Variants in PNPT1 observed in about 807,000 individuals in gnomAD.
PNPT1 encodes polyribonucleotide nucleotidyltransferase 1.
Under a neutral mutation model 119.5 loss-of-function variants are expected in PNPT1, and 53 were observed. The observed-to-expected ratio is 0.44, with a 90% CI of 0.36 to 0.56. The LOEUF (loss-of-function observed/expected upper bound fraction) is 0.56. Ranked by LOEUF, PNPT1 falls within the 20% of genes least tolerant of loss-of-function variation. PNPT1 has a pLI of 0.00. For missense variants in PNPT1, 948 were observed against 938.5 expected (o/e 1.01, Z -0.13); for synonymous variants, 357 against 322.1 (o/e 1.11, Z -1.16).
chr2:55,642,470 G>A (rs545827619), intron 25 of PNPT1, among the ~76,000 whole-genome samples: 23 of 151,836 alleles, frequency 1.5e-4, no homozygotes, highest in African/African-American at 3.9e-4. Context: ...TTAGCTAGGC[G>A]TGGTGGCGGG....
chr2:55,636,564 CATT>C (rs1450213311), intron 27 of PNPT1, among the ~76,000 whole-genome samples, 172 bp from the exon 28 acceptor site: 1 of 152,148 alleles, frequency 6.6e-6, no homozygotes, highest in Non-Finnish European at 1.5e-5. Context: ...TATAAGTAGT[CATT>C]ATAAAAGAGA....
chr2:55,662,322 G>A (rs2104093099), intron 13 of PNPT1, among the ~76,000 whole-genome samples: 1 of 152,260 alleles, frequency 6.6e-6, no homozygotes, highest in East Asian at 1.9e-4. Flanking sequence ...GAACTATGTA[G>A]GAGAGTACGC....
chr2:55,684,351 A>G (rs1211908983), intron 4 of PNPT1, among the ~76,000 whole-genome samples: 1 of 152,150 alleles, frequency 6.6e-6, no homozygotes, highest in Non-Finnish European at 1.5e-5. Context: ...TCAGCCAGGC[A>G]TGGTGGTGGG....
At chr2:55,666,926 C>T in intron 13 of PNPT1, 65 bp downstream of exon 13, 2 of 1,039,644 alleles carry the variant, frequency 1.9e-6, no homozygotes, top group Admixed American at 2.8e-5. Flanking sequence ...TACTAATGTA[C>T]TTCTATTAGA....
intron 18 of PNPT1, among the ~76,000 whole-genome samples, chr2:55,650,497 C>T (rs906727476): frequency 6.6e-6 from 1 of 152,156 alleles, no homozygotes; most frequent in Admixed American, 6.5e-5. Context: ...TCGCTACAAC[C>T]TTCACCTCCC....
intron 25 of PNPT1, among the ~76,000 whole-genome samples, chr2:55,641,412 G>GC (rs1224589665): frequency 6.6e-6 from 1 of 151,412 alleles, no homozygotes; most frequent in African/African-American, 2.4e-5. Context: ...GGGATTACAG[G>GC]CATGTGCCAC....
Position 55,640,677 on chromosome 2 carries a change from G to A in PNPT1, c.2098C>T (p.Pro700Ser). 6.3e-7 allele frequency: 1 copy of A among 1,591,294 alleles called. No individual in the cohort carries two copies. Among genetic ancestry groups the A allele is most frequent in the Non-Finnish European group, 8.6e-7 (1 of 1,160,970 alleles). The change falls in exon 26 of 28, where the codon CCA (proline) becomes TCA (serine). Residue 700 changes from proline (P) to serine (S), a missense_variant. Physicochemically the swap from Pro to Ser is moderately conservative, Grantham distance 74 (BLOSUM62 -1). Coordinates refer to ENST00000447944, the MANE Select transcript of PNPT1 (RefSeq NM_033109.5). ...RDTGVMVKLY[P>S]NMTAVLLHNT... Reference sequence around the variant, plus strand: ...TGAAGCAGTACCGCAGTCATATTTGGATATAATTTTACCATTACACCAGTA... The same window carrying A: ...TGAAGCAGTACCGCAGTCATATTTGAATATAATTTTACCATTACACCAGTA...
intron 20 of PNPT1, 42 bp from the exon 21 acceptor site, chr2:55,646,364 T>G: frequency 6.3e-7 from 1 of 1,598,354 alleles, no homozygotes; most frequent in African/African-American, 1.3e-5. Context: ...TATTGACTCA[T>G]GGCATTATTT....
chr2:55,667,719 A>T, intron 12 of PNPT1, 143 bp downstream of exon 12: 1 of 1,106,340 alleles, frequency 9.0e-7, no homozygotes, highest in Non-Finnish European at 1.3e-6. Flanking sequence ...TTTCTTCAAT[A>T]GGTGTCCATT....
Position 55,651,231 on chromosome 2 carries a change from G to C in PNPT1, c.1495+3669C>G, listed in dbSNP as rs1159803885. On this transcript the variant is annotated intron_variant, in intron 18 of 27. Transcript: ENST00000447944. ...TCTGCCCGGCCGCCCCTACTGGGAA[G>C]TGAGGAGCCCCTCTGCCCGGCCACC... Among the ~76,000 whole-genome samples, 28 of 151,640 alleles carry C rather than the reference G, an allele frequency of 1.8e-4. 1 individual carries two copies. Among genetic ancestry groups the C allele is most frequent in the African/African-American group, 6.0e-4 (25 of 41,364 alleles).
At chr2:55,638,437 G>A (rs1223804868) in intron 26 of PNPT1, among the ~76,000 whole-genome samples, 1 of 152,130 alleles carries the variant, frequency 6.6e-6, no homozygotes, top group Non-Finnish European at 1.5e-5. Flanking sequence ...CGAGGTGGAA[G>A]GACTGCTTAA....
intron 1 of PNPT1, among the ~76,000 whole-genome samples, chr2:55,688,953 C>A (rs1420507120): frequency 6.6e-6 from 1 of 151,984 alleles, no homozygotes; most frequent in Non-Finnish European, 1.5e-5. Context: ...TAAATTAAGT[C>A]AAAATGGATC....
At chr2:55,643,014 T>C (rs1695881098) in intron 25 of PNPT1, 144 bp downstream of exon 25, 1 of 778,578 alleles carries the variant, frequency 1.3e-6, no homozygotes, top group Non-Finnish European at 2.1e-6. Context: ...AATAGGAGGC[T>C]GAGGTGGGAG....
In PNPT1 at chr2:55,636,160, G is replaced by A; in HGVS notation, c.*77C>T. The stretch of plus-strand genomic sequence containing the variant: ...TTATATAGAAATCTACACAATGGAA[G>A]ATACTACTAAAATGTTGCTCTACAG... On this transcript the variant is annotated 3_prime_UTR_variant, in exon 28 of 28. Coordinates refer to ENST00000447944, the MANE Select transcript of PNPT1 (RefSeq NM_033109.5). 9.8e-7 allele frequency: 1 copy of A among 1,022,002 alleles called. No homozygotes were observed. Among genetic ancestry groups the A allele is most frequent in the Non-Finnish European group, 1.4e-6 (1 of 719,890 alleles). The allele number at this position is 1,022,002 out of a possible 1,614,324, so 63.3% of individuals were successfully genotyped here.
At chr2:55,668,105 G>A in intron 11 of PNPT1, 147 bp from the exon 12 acceptor site, 1 of 670,254 alleles carries the variant, frequency 1.5e-6, no homozygotes, top group Non-Finnish European at 2.5e-6. Context: ...AAACAAAGTA[G>A]ATAAATTAAA....
At chr2:55,659,548 T>C (rs1469124963) in intron 15 of PNPT1, among the ~76,000 whole-genome samples, 1 of 152,038 alleles carries the variant, frequency 6.6e-6, no homozygotes, top group African/African-American at 2.4e-5. Flanking sequence ...TAAAACGATA[T>C]TGTCTGCTAT....
Position 55,650,959 on chromosome 2 carries a change from C to T in PNPT1, c.1496-3506G>A, listed in dbSNP as rs1371450350. Among the ~76,000 whole-genome samples the T allele has an allele frequency of 1.9e-3, 281 of 149,804 alleles. 3 individuals are homozygous for T. Among genetic ancestry groups the T allele is most frequent in the African/African-American group, 6.3e-3 (257 of 40,890 alleles). ...GGGAGGGAGGTGGGGGGATCAGCCC[C>T]CCGCCCGGCCAGCCGCCCCGTCCGG... On this transcript the variant is annotated intron_variant, in intron 18 of 27. Transcript: ENST00000447944.
chr2:55,658,399 A>T (rs1002806405), intron 15 of PNPT1, among the ~76,000 whole-genome samples: 4 of 152,172 alleles, frequency 2.6e-5, no homozygotes, highest in Admixed American at 2.6e-4. Flanking sequence ...TGGGATGAAG[A>T]ACATGGAGGG....
rs368986484 is a variant in PNPT1 at position 55,680,914 on chromosome 2, A to C, written c.458T>G (p.Leu153Arg). ...PAGYFYDTQV[L>R]CNLLAVDGVN... ...ACCATCTACTGCTAACAGATTACACAGAACCTGGTAAAAGGGAAAAAATTT... is the reference window on the plus strand; with the variant it reads ...ACCATCTACTGCTAACAGATTACACCGAACCTGGTAAAAGGGAAAAAATTT... Residue 153 changes from leucine to arginine, a missense_variant, in exon 6 of 28, where the codon CTG becomes CGG. Coordinates refer to ENST00000447944, the MANE Select transcript of PNPT1 (RefSeq NM_033109.5). 4 of 1,612,670 alleles carry C rather than the reference A, an allele frequency of 2.5e-6. No homozygotes were observed. The African/African-American group carries it at 5.3e-5, about 22-fold the overall frequency.
Sources: gnomAD v4.1 joint callset for allele counts (sites outside exome capture counted in the v4.1 genomes callset) on GRCh38, gnomAD v4.1.1 for gene constraint, MANE v1.5 for transcripts, NCBI Gene and HGNC (gene_info 2026-07-23, HGNC 2026-07-21) for gene names.